Variants in ZNF536 observed in about 807,000 individuals in gnomAD.
ZNF536 encodes the protein zinc finger protein 536.
In ZNF536, 13 loss-of-function variants were observed where a neutral mutation model predicts 84.5. The observed-to-expected ratio is 0.15, with a 90% CI of 0.10 to 0.24. The LOEUF (loss-of-function observed/expected upper bound fraction) is 0.24, where lower values mean the gene tolerates loss of function less well. Ranked by LOEUF, ZNF536 falls within the 10% of genes least tolerant of loss-of-function variation. The pLI is 1.00. For missense variants in ZNF536, 1,536 were observed against 1,747.5 expected (o/e 0.88, Z 2.16); for synonymous variants, 811 against 742.5 (o/e 1.09, Z -1.50).
At chr19:30,434,756 G>A (rs1429032585) in intron 1 of ZNF536, among the ~76,000 whole-genome samples, 1 of 152,036 alleles carries the variant, frequency 6.6e-6, no homozygotes, top group East Asian at 1.9e-4. Context: ...TGGTGATATT[G>A]ATGATAATGA....
At chr19:30,392,933 T>C (rs2049659780) in intron 1 of ZNF536, among the ~76,000 whole-genome samples, 1 of 152,220 alleles carries the variant, frequency 6.6e-6, no homozygotes, top group Non-Finnish European at 1.5e-5. Flanking sequence ...ACTGTGTGAA[T>C]GCTGAATACT....
chr19:30,505,840 A>G (rs919297550), intron 2 of ZNF536, among the ~76,000 whole-genome samples: 1 of 151,796 alleles, frequency 6.6e-6, no homozygotes, highest in Non-Finnish European at 1.5e-5. Flanking sequence ...TAATTTTTGT[A>G]TTTTTAGTAG....
At chr19:30,451,204 C>G (rs1027925298) in intron 2 of ZNF536, among the ~76,000 whole-genome samples, 3 of 152,382 alleles carry the variant, frequency 2.0e-5, no homozygotes, top group African/African-American at 7.2e-5. Context: ...CTTCCCCTGG[C>G]GGCCACCTTT....
chr19:30,679,247 A>G (rs2050873670), intron 1 of ZNF536, among the ~76,000 whole-genome samples: 1 of 152,222 alleles, frequency 6.6e-6, no homozygotes, highest in African/African-American at 2.4e-5. Flanking sequence ...GCGGTGGATT[A>G]TCAATAGCTG....
At chr19:30,698,030 G>A (rs769369526) in intron 1 of ZNF536, among the ~76,000 whole-genome samples, 2 of 152,192 alleles carry the variant, frequency 1.3e-5, no homozygotes, top group Non-Finnish European at 2.9e-5. Context: ...GGTGCTTCAC[G>A]CCTGTAATCC....
At chr19:30,315,124 C>A (rs983278584) in intron 2 of ZNF536, among the ~76,000 whole-genome samples, 1 of 152,192 alleles carries the variant, frequency 6.6e-6, no homozygotes, top group Non-Finnish European at 1.5e-5. Flanking sequence ...GAATCTCATG[C>A]CTTTTGTTCT....
chr19:30,345,922 G>A (rs1324748548), intron 2 of ZNF536, among the ~76,000 whole-genome samples: 2 of 152,230 alleles, frequency 1.3e-5, no homozygotes, highest in Non-Finnish European at 2.9e-5. Flanking sequence ...AGTCGGGAGG[G>A]CTGGAGAGTG....
At chr19:30,509,515 A>G (rs1015786705) in intron 2 of ZNF536, among the ~76,000 whole-genome samples, 10 of 148,646 alleles carry the variant, frequency 6.7e-5, no homozygotes, top group Non-Finnish European at 1.5e-4. Flanking sequence ...TTATTTGTGC[A>G]TAATTTATAT....
At chr19:30,314,220 C>G (rs2046603553) in intron 2 of ZNF536, among the ~76,000 whole-genome samples, 1 of 152,134 alleles carries the variant, frequency 6.6e-6, no homozygotes, top group African/African-American at 2.4e-5. Context: ...TGGGGCAGGG[C>G]AGCAGTCCTG....
rs555705912 is a variant in ZNF536 at position 30,329,974 on chromosome 19, A to G, written c.-119-22394A>G. On this transcript the variant is annotated intron_variant, in intron 2 of 5. Coordinates refer to the ZNF536 transcript ENST00000585628. ...AAAATATTGCAAAGTAATATGGTTT[A>G]GGTGATAATTTATAATCTTATGATT... 6.6e-5 allele frequency among the ~76,000 whole-genome samples: 10 copies of G among 152,364 alleles called. No individual in the cohort carries two copies. In the South Asian group the frequency reaches 2.1e-3, roughly 32 times the overall value.
intron 1 of ZNF536, among the ~76,000 whole-genome samples, chr19:30,657,245 G>A (rs890107427): frequency 3.3e-5 from 5 of 152,190 alleles, no homozygotes; most frequent in African/African-American, 1.2e-4. Context: ...AAGCTGGAAC[G>A]TGATGTCCTG....
At chr19:30,677,932 C>A (rs1031310243) in intron 1 of ZNF536, among the ~76,000 whole-genome samples, 1 of 152,054 alleles carries the variant, frequency 6.6e-6, no homozygotes, top group South Asian at 2.1e-4. Context: ...GCACAGGTAG[C>A]CCCCAGCTAT....
intron 2 of ZNF536, among the ~76,000 whole-genome samples, chr19:30,284,901 G>A (rs1349216806): frequency 6.6e-6 from 1 of 152,160 alleles, no homozygotes; most frequent in African/African-American, 2.4e-5. Flanking sequence ...TATCTTGCTG[G>A]AAAAGTGCTT....
At chr19:30,651,300 G>C (rs902095144) in intron 1 of ZNF536, among the ~76,000 whole-genome samples, 1 of 152,162 alleles carries the variant, frequency 6.6e-6, no homozygotes, top group Non-Finnish European at 1.5e-5. Context: ...ATCAGAAAGC[G>C]CCCCAGTTGG....
intron 2 of ZNF536, among the ~76,000 whole-genome samples, chr19:30,334,610 G>A (rs2047319711): frequency 1.3e-5 from 2 of 152,266 alleles, no homozygotes; most frequent in African/African-American, 4.8e-5. Context: ...CCCTTTACTT[G>A]AATATATCCA....
chr19:30,637,830 G>A (rs2049127600), intron 1 of ZNF536, among the ~76,000 whole-genome samples: 2 of 152,158 alleles, frequency 1.3e-5, no homozygotes, highest in Non-Finnish European at 2.9e-5. Flanking sequence ...TTGCTTTTCT[G>A]AGAAAGACTG....
chr19:30,693,437 T>C (rs2051505449), intron 1 of ZNF536, among the ~76,000 whole-genome samples: 1 of 152,230 alleles, frequency 6.6e-6, no homozygotes, highest in African/African-American at 2.4e-5. Context: ...TCATTGCAGC[T>C]GGGTGCGGAC....
chr19:30,414,093 C>A (rs1287135719), intron 1 of ZNF536, among the ~76,000 whole-genome samples: 684 of 82,896 alleles, frequency 8.3e-3, no homozygotes, highest in Middle Eastern at 0.017. Context: ...GACTCTGTCT[C>A]AAAAAAAAAA....
intron 1 of ZNF536, among the ~76,000 whole-genome samples, chr19:30,583,671 A>T (rs1343858699): frequency 6.6e-6 from 1 of 152,190 alleles, no homozygotes; most frequent in Non-Finnish European, 1.5e-5. Flanking sequence ...GGACCCTTGA[A>T]GGGGCTGTAG....
Sources: allele counts gnomAD v4.1 joint callset (sites outside exome capture counted in the v4.1 genomes callset), GRCh38; gene constraint gnomAD v4.1.1; transcripts MANE v1.5; gene names NCBI Gene and HGNC (gene_info 2026-07-23, HGNC 2026-07-21).